PLXDC1: variants seen among roughly 807,000 people sequenced by gnomAD.
PLXDC1 encodes the protein plexin domain containing 1.
A neutral mutation model predicts 61.3 loss-of-function variants in PLXDC1; 39 were observed. That is an observed-to-expected ratio of 0.64 (90% CI 0.49 to 0.83). PLXDC1 has a LOEUF of 0.83. Ranked by LOEUF, PLXDC1 falls within the 40% of genes least tolerant of loss-of-function variation. The pLI is 0.00. For missense variants in PLXDC1, 596 were observed against 666.5 expected, an observed-to-expected ratio of 0.89 and a Z score of 1.17; for synonymous variants, 212 against 254.5, an observed-to-expected ratio of 0.83 and a Z score of 1.59.
chr17:39,137,830 G>A (rs78972207), intron 2 of PLXDC1, among the ~76,000 whole-genome samples: 3,667 of 152,068 alleles, frequency 0.024, 164 homozygotes, highest in African/African-American at 0.084. Flanking sequence ...GATGGCACCC[G>A]TGGTACCAGC....
At chr17:39,096,237 C>G (rs763184137) in intron 7 of PLXDC1, among the ~76,000 whole-genome samples, 1 of 152,052 alleles carries the variant, frequency 6.6e-6, no homozygotes, top group Non-Finnish European at 1.5e-5. Flanking sequence ...CCCTGCCCCA[C>G]GGGGGAGAAG....
Position 39,064,768 on chromosome 17 carries a change from G to C in PLXDC1, c.*3072C>G, listed in dbSNP as rs967221572. ...AAGGAAGAGCTGAGGGTGGAGTAGG[G>C]GGGTGCCGGTGGAAGGAGGGTCTGA... is the stretch of plus-strand genomic sequence containing the variant. On this transcript the variant is annotated 3_prime_UTR_variant, in exon 14 of 14. Coordinates refer to ENST00000315392, the MANE Select transcript of PLXDC1 (RefSeq NM_020405.5). 1 of 152,270 alleles carries C rather than the reference G, an allele frequency of 6.6e-6. No homozygotes were observed. The highest frequency in any genetic ancestry group is 1.5e-5 in the Non-Finnish European group (1 of 68,144). The allele number at this position is 152,270 out of a possible 1,614,324, so 9.4% of individuals were successfully genotyped here.
chr17:39,104,537 A>C (rs1398394705), intron 7 of PLXDC1, among the ~76,000 whole-genome samples: 1 of 152,160 alleles, frequency 6.6e-6, no homozygotes, highest in Non-Finnish European at 1.5e-5. Context: ...TAATCCCAGC[A>C]CTTTGGGATG....
chr17:39,085,915 G>T (rs552432958), intron 8 of PLXDC1, among the ~76,000 whole-genome samples: 23 of 151,560 alleles, frequency 1.5e-4, no homozygotes, highest in Non-Finnish European at 1.6e-4. Context: ...CCCCTTAAAA[G>T]ACTCCAGTCA....
chr17:39,152,056 G>T (rs1357179604), upstream of PLXDC1, among the ~76,000 whole-genome samples: 1 of 151,938 alleles, frequency 6.6e-6, no homozygotes. Flanking sequence ...GGAATTCTGT[G>T]CGTCTCTGAT....
At chr17:39,088,943 G>GA (rs56714275) in intron 7 of PLXDC1, among the ~76,000 whole-genome samples, 11,821 of 63,736 alleles carry the variant, frequency 0.19, 1,254 homozygotes, top group Non-Finnish European at 0.23. Context: ...GAGCAAGACT[G>GA]AAAAAAAAAA....
chr17:39,127,744 A>G (rs1261558926), intron 2 of PLXDC1, among the ~76,000 whole-genome samples: 1 of 151,808 alleles, frequency 6.6e-6, no homozygotes, highest in Non-Finnish European at 1.5e-5. Context: ...TCACGAGGTC[A>G]AGAGATTGAG....
At chr17:39,090,666 C>T (rs571012560) in intron 7 of PLXDC1, among the ~76,000 whole-genome samples, 62 of 152,300 alleles carry the variant, frequency 4.1e-4, no homozygotes, top group African/African-American at 1.2e-3. Context: ...AGACACTCAA[C>T]GCACAAGGAC....
At chr17:39,152,831 C>A (rs940177535), upstream of PLXDC1, 33 of 544,038 alleles carry the variant, frequency 6.1e-5, no homozygotes, top group African/African-American at 5.5e-4. Context: ...CAACTAAAGG[C>A]TCTCTAATCT....
chr17:39,125,815 T>C (rs1911295552), intron 2 of PLXDC1, among the ~76,000 whole-genome samples: 1 of 152,218 alleles, frequency 6.6e-6, no homozygotes, highest in African/African-American at 2.4e-5. Flanking sequence ...TTCTTCACTA[T>C]TTCTCTTTTA....
At chr17:39,129,777 A>AAAAGAAAGAAAGAG in intron 2 of PLXDC1, among the ~76,000 whole-genome samples, 1 of 116,552 alleles carries the variant, frequency 8.6e-6, no homozygotes, top group East Asian at 3.1e-4. Flanking sequence ...GAGAGAAAGA[A>AAAAGAAAGAAAGAG]AAAGAAAGAA....
At chr17:39,093,817 G>A (rs1244986366) in intron 7 of PLXDC1, among the ~76,000 whole-genome samples, 1 of 152,094 alleles carries the variant, frequency 6.6e-6, no homozygotes, top group Non-Finnish European at 1.5e-5. Flanking sequence ...AGGAGGCCCC[G>A]TGGCAAGCCT....
chr17:39,136,551 A>C (rs548386846), intron 2 of PLXDC1, among the ~76,000 whole-genome samples: 9 of 152,102 alleles, frequency 5.9e-5, no homozygotes, highest in Non-Finnish European at 1.2e-4. Flanking sequence ...GCCCGGCCCA[A>C]AGTTTTAAAG....
chr17:39,092,297 C>T (rs1296858809), intron 7 of PLXDC1, among the ~76,000 whole-genome samples: 5 of 151,994 alleles, frequency 3.3e-5, no homozygotes, highest in African/African-American at 9.7e-5. Context: ...TGGTCTCCAA[C>T]TCCCGGGCTC....
intron 2 of PLXDC1, among the ~76,000 whole-genome samples, chr17:39,128,107 A>ATATACATATATATGTG (rs1911387353): frequency 9.9e-5 from 10 of 100,630 alleles, no homozygotes; most frequent in Non-Finnish European, 1.5e-4. Context: ...GTATATATAT[A>ATATACATATATATGTG]TATATATGTA....
chr17:39,083,568 A>G (rs757166853), intron 8 of PLXDC1, 28 bp from the exon 9 acceptor site: 7 of 1,560,354 alleles, frequency 4.5e-6, no homozygotes, highest in East Asian at 2.3e-5. Flanking sequence ...GTGGCCGCTC[A>G]GCACCGAGCC....
chr17:39,121,573 A>G (rs1911161401), intron 2 of PLXDC1, among the ~76,000 whole-genome samples: 1 of 152,206 alleles, frequency 6.6e-6, no homozygotes, highest in South Asian at 2.1e-4. Context: ...AACTGCCACC[A>G]TAGGCCCCTT....
At position 39,143,571 on chromosome 17, in the gene PLXDC1, A is replaced by G. The variant is rs3025182; in HGVS notation, c.77-3739T>C. 3.8e-3 allele frequency among the ~76,000 whole-genome samples: 580 copies of G among 152,346 alleles called. 12 individuals carry two copies. Among genetic ancestry groups the G allele is most frequent in the Admixed American group, 0.028 (422 of 15,312 alleles). ...GGGTAGCTCCTGGGAGCCAGCAAGGACAGAGGTTGAGACCAGGCTTGGCCA... is the reference window on the plus strand; with the variant it reads ...GGGTAGCTCCTGGGAGCCAGCAAGGGCAGAGGTTGAGACCAGGCTTGGCCA... On this transcript the variant is annotated intron_variant, in intron 1 of 13. Coordinates refer to ENST00000315392, the MANE Select transcript of PLXDC1 (RefSeq NM_020405.5).
intron 1 of PLXDC1, among the ~76,000 whole-genome samples, chr17:39,147,694 G>A (rs1403268364): frequency 6.6e-6 from 1 of 152,030 alleles, no homozygotes; most frequent in Non-Finnish European, 1.5e-5. Flanking sequence ...GGAGGGGAAG[G>A]GAGGGACAGC....
Sources: gnomAD v4.1 joint callset for allele counts (sites outside exome capture counted in the v4.1 genomes callset) on GRCh38, gnomAD v4.1.1 for gene constraint, MANE v1.5 for transcripts, NCBI Gene and HGNC (gene_info 2026-07-23, HGNC 2026-07-21) for gene names.